CHST9: variants seen among roughly 807,000 people sequenced by gnomAD.
CHST9 encodes carbohydrate sulfotransferase 9, also known as GalNAc-4-sulfotransferase 2.
Under a neutral mutation model 44.4 loss-of-function variants are expected in CHST9, and 41 were observed. The observed-to-expected ratio is 0.92, with a 90% confidence interval of 0.72 to 1.20. The LOEUF (loss-of-function observed/expected upper bound fraction) is 1.20. Among genes scored for constraint, CHST9 ranks in the 50% most tolerant of loss-of-function variants. CHST9 has a pLI of 0.00. For missense variants in CHST9, 504 were observed against 516.5 expected (o/e 0.98, Z 0.23); for synonymous variants, 171 against 178.4 (o/e 0.96, Z 0.33).
At chr18:27,164,411 T>C (rs796176752) in intron 1 of CHST9, among the ~76,000 whole-genome samples, 4 of 136,360 alleles carry the variant, frequency 2.9e-5, no homozygotes, top group African/African-American at 1.1e-4. Flanking sequence ...TCTTAGAAAG[T>C]AAACAAAAAG....
At chr18:27,126,880 C>G (rs953393934) in intron 2 of CHST9, among the ~76,000 whole-genome samples, 1 of 152,030 alleles carries the variant, frequency 6.6e-6, no homozygotes, top group Non-Finnish European at 1.5e-5. Context: ...TAGACTGAGG[C>G]AGTAGTAATG....
rs113209772 is a variant in CHST9 at position 27,133,030 on chromosome 18, A to T, written c.121+9659T>A. On this transcript the variant is annotated intron_variant, in intron 2 of 5. Coordinates refer to ENST00000618847, the MANE Select transcript of CHST9 (RefSeq NM_031422.6). Reference sequence around the variant, plus strand: ...GTCTCAAAAGCCAGAATGCCCAGAAAGGGAATCACTGGCCAGGCTTGGATT... The same window carrying T: ...GTCTCAAAAGCCAGAATGCCCAGAATGGGAATCACTGGCCAGGCTTGGATT... 2.6e-3 allele frequency among the ~76,000 whole-genome samples: 397 copies of T among 152,308 alleles called. 4 individuals are homozygous for T. Among genetic ancestry groups the T allele is most frequent in the African/African-American group, 8.6e-3 (358 of 41,560 alleles).
At chr18:27,078,060 C>T (rs1334109711) in intron 2 of CHST9, among the ~76,000 whole-genome samples, 2 of 152,174 alleles carry the variant, frequency 1.3e-5, no homozygotes, top group Non-Finnish European at 2.9e-5. Flanking sequence ...AGTCTGACCC[C>T]ATGGTCCAAT....
intron 4 of CHST9, among the ~76,000 whole-genome samples, chr18:26,973,377 C>T (rs994482939): frequency 4.6e-5 from 7 of 152,042 alleles, no homozygotes; most frequent in African/African-American, 1.4e-4. Flanking sequence ...GTCAAGAGTC[C>T]CATGGGATGA....
chr18:27,053,144 A>AAGG (rs1269737589), intron 2 of CHST9, among the ~76,000 whole-genome samples: 2 of 128,184 alleles, frequency 1.6e-5, no homozygotes, highest in Non-Finnish European at 3.4e-5. Context: ...GAAGAAGAAG[A>AAGG]AGAAGAAGAA....
At chr18:26,961,251 GC>G (rs1598596870) in intron 4 of CHST9, among the ~76,000 whole-genome samples, 1 of 152,174 alleles carries the variant, frequency 6.6e-6, no homozygotes, top group East Asian at 1.9e-4. Context: ...TGTATGTAAG[GC>G]TAGAGAACAA....
intron 4 of CHST9, among the ~76,000 whole-genome samples, chr18:27,008,126 C>A: frequency 6.6e-6 from 1 of 152,064 alleles, no homozygotes; most frequent in East Asian, 1.9e-4. Flanking sequence ...TCCACTCCTC[C>A]CTTGTAACAG....
chr18:27,106,629 AGTTT>A (rs2058223487), intron 2 of CHST9, among the ~76,000 whole-genome samples: 2 of 152,316 alleles, frequency 1.3e-5, no homozygotes, highest in South Asian at 4.1e-4. Context: ...TAGTATTTAT[AGTTT>A]GTTTTCTGGC....
chr18:27,181,634 C>T (rs2058913304), intron 1 of CHST9, among the ~76,000 whole-genome samples: 1 of 152,168 alleles, frequency 6.6e-6, no homozygotes, highest in Non-Finnish European at 1.5e-5. Flanking sequence ...AAGATGCATA[C>T]ATTAACACAT....
At chr18:26,929,889 C>T (rs548125430) in intron 5 of CHST9, among the ~76,000 whole-genome samples, 12 of 152,172 alleles carry the variant, frequency 7.9e-5, no homozygotes, top group African/African-American at 7.2e-5. Flanking sequence ...CAGGAAGCAG[C>T]ATATACCTGC....
chr18:27,106,121 G>T (rs188705104), intron 2 of CHST9, among the ~76,000 whole-genome samples: 124 of 152,128 alleles, frequency 8.2e-4, no homozygotes, highest in Non-Finnish European at 4.1e-4. Flanking sequence ...TAACCTTAAG[G>T]ATTTATCAAT....
chr18:27,176,482 G>A (rs2058869299), intron 1 of CHST9, among the ~76,000 whole-genome samples: 1 of 151,982 alleles, frequency 6.6e-6, no homozygotes, highest in Non-Finnish European at 1.5e-5. Context: ...TGAAGGAGAA[G>A]TAATGTCAAG....
At chr18:27,152,119 A>G (rs1366974815) in intron 1 of CHST9, among the ~76,000 whole-genome samples, 1 of 152,134 alleles carries the variant, frequency 6.6e-6, no homozygotes, top group African/African-American at 2.4e-5. Context: ...ACAGAAATAT[A>G]TCCTTTTTCT....
intron 4 of CHST9, among the ~76,000 whole-genome samples, chr18:27,005,226 A>G (rs1487992458): frequency 2.0e-5 from 3 of 152,206 alleles, no homozygotes; most frequent in Non-Finnish European, 2.9e-5. Flanking sequence ...TACTACTACT[A>G]ATAATAAAAA....
intron 2 of CHST9, among the ~76,000 whole-genome samples, chr18:27,112,768 A>G (rs1055353201): frequency 6.6e-6 from 1 of 152,102 alleles, no homozygotes; most frequent in African/African-American, 2.4e-5. Flanking sequence ...ATAAAAATAA[A>G]AATGCTTAGA....
intron 4 of CHST9, among the ~76,000 whole-genome samples, chr18:26,972,218 G>A (rs1454162941): frequency 6.6e-6 from 1 of 151,818 alleles, no homozygotes; most frequent in Non-Finnish European, 1.5e-5. Context: ...TTATCCAGGC[G>A]TGATAGCACG....
intron 4 of CHST9, among the ~76,000 whole-genome samples, chr18:26,974,449 G>A (rs1368329024): frequency 6.6e-6 from 1 of 152,176 alleles, no homozygotes; most frequent in Non-Finnish European, 1.5e-5. Flanking sequence ...AAGATATGAA[G>A]TATGTTTTCT....
chr18:27,041,796 T>A (rs2057448228), intron 3 of CHST9, among the ~76,000 whole-genome samples: 1 of 152,172 alleles, frequency 6.6e-6, no homozygotes, highest in Non-Finnish European at 1.5e-5. Context: ...CTATCATAAA[T>A]TCGACTGGCT....
At chr18:27,182,219 T>C (rs1249688323) in intron 1 of CHST9, among the ~76,000 whole-genome samples, 6 of 152,324 alleles carry the variant, frequency 3.9e-5, no homozygotes, top group Non-Finnish European at 8.8e-5. Context: ...AAAAATAAGA[T>C]GTAACATGTT....
Sources: gnomAD v4.1 joint callset for allele counts (sites outside exome capture counted in the v4.1 genomes callset) on GRCh38, gnomAD v4.1.1 for gene constraint, MANE v1.5 for transcripts, NCBI Gene and HGNC (gene_info 2026-07-23, HGNC 2026-07-21) for gene names.